NRXN3: variants seen among roughly 807,000 people sequenced by gnomAD.
The protein encoded by NRXN3 is neurexin III.
Under a neutral mutation model 137.6 loss-of-function variants are expected in NRXN3, and 32 were observed. The observed-to-expected ratio is 0.23, with a 90% CI of 0.18 to 0.31. NRXN3 has a LOEUF of 0.31. Among genes scored for constraint, NRXN3 ranks in the 10% least tolerant of loss-of-function variants. NRXN3 has a pLI of 1.00. For missense variants in NRXN3, 1,574 were observed against 2,062.5 expected (o/e 0.76, Z 4.59); for synonymous variants, 798 against 784.5 (o/e 1.02, Z -0.29).
intron 14 of NRXN3, among the ~76,000 whole-genome samples, chr14:78,972,020 G>A (rs1252003298): frequency 1.3e-5 from 2 of 152,214 alleles, no homozygotes; most frequent in Non-Finnish European, 2.9e-5. Context: ...TAGATGCAAA[G>A]TGTATAATTT....
Position 79,342,096 on chromosome 14 carries a change from G to T in NRXN3, c.3263-125125G>T, listed in dbSNP as rs1281078718. On this transcript the variant is annotated intron_variant, in intron 15 of 20. Transcript: ENST00000335750. Reference sequence around the variant, plus strand: ...CTCTGTTCCAGTAACCAAATCTGTGGCAGAGCTGGGAGTGGAGGTATTGGT... The same window carrying T: ...CTCTGTTCCAGTAACCAAATCTGTGTCAGAGCTGGGAGTGGAGGTATTGGT... Among the ~76,000 whole-genome samples the T allele has an allele frequency of 2.0e-5, 3 of 152,194 alleles. No homozygotes were observed. In the East Asian group the frequency reaches 5.8e-4, roughly 29 times the overall value.
intron 10 of NRXN3, among the ~76,000 whole-genome samples, chr14:78,941,634 T>G (rs1364169463): frequency 6.6e-6 from 1 of 152,228 alleles, no homozygotes; most frequent in Non-Finnish European, 1.5e-5. Context: ...TAAGCTTGGC[T>G]TTGCATCTAC....
At chr14:78,502,316 G>C (rs2095894380) in intron 4 of NRXN3, among the ~76,000 whole-genome samples, 1 of 152,152 alleles carries the variant, frequency 6.6e-6, no homozygotes, top group African/African-American at 2.4e-5. Context: ...TGTTACATAG[G>C]TTGATTCTGC....
intron 8 of NRXN3, among the ~76,000 whole-genome samples, chr14:78,735,626 G>T (rs1251709864): frequency 2.0e-5 from 3 of 152,178 alleles, no homozygotes; most frequent in African/African-American, 7.2e-5. Flanking sequence ...TGACCTAAAA[G>T]ATGACTTCAA....
At chr14:79,752,391 C>G (rs1322286056) in intron 19 of NRXN3, among the ~76,000 whole-genome samples, 1 of 151,998 alleles carries the variant, frequency 6.6e-6, no homozygotes, top group Non-Finnish European at 1.5e-5. Flanking sequence ...TGGAACAGAA[C>G]AGAGCCCTCA....
intron 16 of NRXN3, among the ~76,000 whole-genome samples, chr14:79,648,752 A>C (rs1199431422): frequency 6.6e-6 from 1 of 152,018 alleles, no homozygotes. Flanking sequence ...ATGACTACTC[A>C]AGTTTTAGAT....
intron 15 of NRXN3, among the ~76,000 whole-genome samples, chr14:79,212,522 G>C (rs1394599068): frequency 1.3e-5 from 2 of 152,126 alleles, no homozygotes; most frequent in East Asian, 3.8e-4. Context: ...TTTCTTCCCT[G>C]TTCCCATCTG....
chr14:78,925,072 C>T (rs1209368791), intron 10 of NRXN3, among the ~76,000 whole-genome samples: 1 of 152,102 alleles, frequency 6.6e-6, no homozygotes, highest in Non-Finnish European at 1.5e-5. Context: ...GACGGAGAGC[C>T]GTGTTTACAA....
At chr14:79,601,089 G>A (rs1307087826) in intron 16 of NRXN3, among the ~76,000 whole-genome samples, 1 of 125,984 alleles carries the variant, frequency 7.9e-6, no homozygotes, top group African/African-American at 3.0e-5. Flanking sequence ...CTGTCACCAC[G>A]CTGGAGTGCA....
intron 8 of NRXN3, among the ~76,000 whole-genome samples, chr14:78,800,346 A>T (rs899447016): frequency 6.6e-6 from 1 of 152,222 alleles, no homozygotes; most frequent in African/African-American, 2.4e-5. Flanking sequence ...CTTAATGCAT[A>T]TAAAGTCCTA....
chr14:78,845,078 C>G (rs2099022870), intron 10 of NRXN3, among the ~76,000 whole-genome samples: 1 of 151,884 alleles, frequency 6.6e-6, no homozygotes, highest in Non-Finnish European at 1.5e-5. Context: ...AAAACTGTTG[C>G]AATGATCTTC....
At chr14:79,716,297 A>G (rs930203546) in intron 19 of NRXN3, among the ~76,000 whole-genome samples, 4 of 152,182 alleles carry the variant, frequency 2.6e-5, no homozygotes, top group African/African-American at 7.2e-5. Flanking sequence ...ACTCATCTCA[A>G]TTTTGCACGG....
chr14:79,036,284 T>C (rs1355677160), intron 15 of NRXN3, among the ~76,000 whole-genome samples: 1 of 152,080 alleles, frequency 6.6e-6, no homozygotes, highest in Non-Finnish European at 1.5e-5. Flanking sequence ...ACACCATGAC[T>C]GATTGCCTTA....
intron 1 of NRXN3, among the ~76,000 whole-genome samples, chr14:78,210,247 G>C (rs1233745003): frequency 1.3e-5 from 2 of 152,172 alleles, no homozygotes; most frequent in Non-Finnish European, 2.9e-5. Context: ...GTTCTTCTAG[G>C]TGGTGTCTTC....
At chr14:79,013,309 C>A (rs537345475) in intron 15 of NRXN3, among the ~76,000 whole-genome samples, 1 of 152,224 alleles carries the variant, frequency 6.6e-6, no homozygotes, top group East Asian at 1.9e-4. Context: ...TGAATTTATT[C>A]TATGTGTATC....
chr14:78,710,557 A>T (rs990404641), intron 7 of NRXN3, among the ~76,000 whole-genome samples: 1 of 152,214 alleles, frequency 6.6e-6, no homozygotes, highest in Non-Finnish European at 1.5e-5. Flanking sequence ...GGTAGGATGT[A>T]CTCAAGAAGG....
chr14:78,723,830 T>A (rs1278698853), intron 8 of NRXN3, among the ~76,000 whole-genome samples: 3 of 152,200 alleles, frequency 2.0e-5, no homozygotes, highest in Admixed American at 1.3e-4. Flanking sequence ...ATGACCCAGG[T>A]CTTATTTCTG....
intron 4 of NRXN3, among the ~76,000 whole-genome samples, chr14:78,385,083 G>A (rs1474139579): frequency 6.6e-6 from 1 of 152,076 alleles, no homozygotes; most frequent in African/African-American, 2.4e-5. Context: ...CTAAAGAATT[G>A]AGAGGAAATT....
At chr14:79,226,035 C>G (rs1207995680) in intron 15 of NRXN3, among the ~76,000 whole-genome samples, 1 of 152,038 alleles carries the variant, frequency 6.6e-6, no homozygotes, top group Non-Finnish European at 1.5e-5. Context: ...ACCTCAATTC[C>G]ACCTGCAACC....
Sources: allele counts gnomAD v4.1 joint callset (sites outside exome capture counted in the v4.1 genomes callset), GRCh38; gene constraint gnomAD v4.1.1; transcripts MANE v1.5; gene names NCBI Gene and HGNC (gene_info 2026-07-23, HGNC 2026-07-21).